The following PDZRN3 variants were observed in gnomAD, a reference collection of about 807,000 sequenced individuals.
The protein encoded by PDZRN3 is PDZ domain containing ring finger 3, also known as E3 ubiquitin-protein ligase PDZRN3.
In PDZRN3, 38 loss-of-function variants were observed where a neutral mutation model predicts 85.7. The observed-to-expected ratio is 0.44, with a 90% CI of 0.34 to 0.58. The LOEUF is 0.58. Among genes scored for constraint, PDZRN3 ranks in the 20% least tolerant of loss-of-function variants. The probability of loss-of-function intolerance (pLI) is 0.01; values close to 1 mark genes in which losing one functional copy is unlikely to be tolerated. For synonymous variants in PDZRN3, 759 were observed against 638.0 expected, an observed-to-expected ratio of 1.19 and a Z score of -2.86; for missense variants, 1,629 against 1,506.4, an observed-to-expected ratio of 1.08 and a Z score of -1.35.
chr3:73,421,732 C>T (rs1559670704), intron 3 of PDZRN3, among the ~76,000 whole-genome samples: 1 of 152,188 alleles, frequency 6.6e-6, no homozygotes, highest in Admixed American at 6.5e-5. Flanking sequence ...ACTGCAACCT[C>T]CGCCTCCCAG....
At chr3:73,555,508 A>G (rs953023704) in intron 3 of PDZRN3, among the ~76,000 whole-genome samples, 1 of 152,212 alleles carries the variant, frequency 6.6e-6, no homozygotes, top group African/African-American at 2.4e-5. Flanking sequence ...ACATTTTGTT[A>G]AAAGTATTAT....
At chr3:73,420,320 C>T (rs1010306828) in intron 3 of PDZRN3, among the ~76,000 whole-genome samples, 2 of 152,208 alleles carry the variant, frequency 1.3e-5, no homozygotes, top group Non-Finnish European at 2.9e-5. Flanking sequence ...GCATTTTCAT[C>T]TGTGTGATAA....
chr3:73,595,188 A>T (rs1347664700), intron 3 of PDZRN3, among the ~76,000 whole-genome samples: 1 of 152,222 alleles, frequency 6.6e-6, no homozygotes, highest in Non-Finnish European at 1.5e-5. Context: ...CTAATAACTG[A>T]TCTCTAAAAT....
intron 3 of PDZRN3, among the ~76,000 whole-genome samples, chr3:73,592,106 T>C (rs755955026): frequency 6.6e-6 from 1 of 152,130 alleles, no homozygotes; most frequent in Non-Finnish European, 1.5e-5. Flanking sequence ...ATATAAATCA[T>C]CCCCTATCCA....
chr3:73,619,130 T>C (rs1033132906), intron 1 of PDZRN3, among the ~76,000 whole-genome samples: 6 of 152,214 alleles, frequency 3.9e-5, no homozygotes, highest in Non-Finnish European at 8.8e-5. Context: ...CCCCTAAACC[T>C]GAAAACAATT....
chr3:73,419,261 G>A (rs1469985724), intron 3 of PDZRN3, among the ~76,000 whole-genome samples: 1 of 152,148 alleles, frequency 6.6e-6, no homozygotes, highest in Non-Finnish European at 1.5e-5. Context: ...CTTTGATTAT[G>A]TCAAATGTAA....
intron 3 of PDZRN3, among the ~76,000 whole-genome samples, chr3:73,585,223 T>C (rs1406209142): frequency 1.6e-4 from 25 of 152,180 alleles, no homozygotes; most frequent in Admixed American, 1.5e-3. Context: ...CAAATGATAT[T>C]AGAAAAACAG....
chr3:73,483,836 T>C (rs998729609), intron 3 of PDZRN3, among the ~76,000 whole-genome samples: 1 of 151,986 alleles, frequency 6.6e-6, no homozygotes, highest in African/African-American at 2.4e-5. Flanking sequence ...CAGTGGGAAG[T>C]GGTGTGTGTG....
chr3:73,622,044 C>T (rs1475311978), intron 1 of PDZRN3, among the ~76,000 whole-genome samples: 2 of 152,144 alleles, frequency 1.3e-5, no homozygotes, highest in African/African-American at 4.8e-5. Context: ...TCACTTAAAA[C>T]GACGAAGGAA....
At chr3:73,534,788 G>A (rs554802803) in intron 3 of PDZRN3, among the ~76,000 whole-genome samples, 1 of 152,182 alleles carries the variant, frequency 6.6e-6, no homozygotes, top group Non-Finnish European at 1.5e-5. Context: ...ACGGAACTGA[G>A]GCTCAGAAAA....
intron 3 of PDZRN3, among the ~76,000 whole-genome samples, chr3:73,455,484 G>T (rs1702959497): frequency 1.3e-5 from 2 of 152,158 alleles, no homozygotes; most frequent in African/African-American, 4.8e-5. Flanking sequence ...ATCAGATCTG[G>T]GAAGTCAAGG....
chr3:73,567,535 T>C (rs1462554756), intron 3 of PDZRN3, among the ~76,000 whole-genome samples: 4 of 152,120 alleles, frequency 2.6e-5, no homozygotes, highest in African/African-American at 4.8e-5. Context: ...AGAACAAGCA[T>C]TGGAATTCCT....
At chr3:73,528,859 T>C (rs1383172585) in intron 3 of PDZRN3, among the ~76,000 whole-genome samples, 1 of 151,128 alleles carries the variant, frequency 6.6e-6, no homozygotes, top group Non-Finnish European at 1.5e-5. Context: ...AGTGGACACA[T>C]TTAGTCCTAA....
intron 3 of PDZRN3, among the ~76,000 whole-genome samples, chr3:73,491,980 G>C (rs1703779444): frequency 6.6e-6 from 1 of 151,980 alleles, no homozygotes; most frequent in Admixed American, 6.6e-5. Flanking sequence ...TGAATTTAGG[G>C]ACCTCTGCCT....
At chr3:73,494,875 C>T (rs1703837573) in intron 3 of PDZRN3, among the ~76,000 whole-genome samples, 1 of 152,186 alleles carries the variant, frequency 6.6e-6, no homozygotes, top group Non-Finnish European at 1.5e-5. Flanking sequence ...TTTTCCAACA[C>T]CCAATCGAGA....
At chr3:73,404,876 A>C (rs75879632) in intron 3 of PDZRN3, among the ~76,000 whole-genome samples, 2,896 of 152,340 alleles carry the variant, frequency 0.019, 45 homozygotes, top group Non-Finnish European at 0.032. Flanking sequence ...AGTCCATTGA[A>C]AATATTAAGT....
chr3:73,427,486 G>A (rs1702340621), intron 3 of PDZRN3, among the ~76,000 whole-genome samples: 1 of 151,016 alleles, frequency 6.6e-6, no homozygotes, highest in Admixed American at 6.6e-5. Flanking sequence ...CATTATTAAT[G>A]AACACAAGAG....
chr3:73,492,361 C>T lies in PDZRN3; in HGVS notation c.919-87966G>A, dbSNP rs139471140. Among the ~76,000 whole-genome samples the T allele has an allele frequency of 4.7e-3, 720 of 152,236 alleles. 4 individuals carry two copies. The highest frequency in any genetic ancestry group is 0.014 in the Middle Eastern group (4 of 294). On this transcript the variant is annotated intron_variant, in intron 3 of 9. Transcript: ENST00000263666. ...AGGCTGGGCTGTGTGCCTGTGAGCT[C>T]GCTACGGTCCCTGGTCTCATTCCCT...
At position 73,389,832 on chromosome 3, in the gene PDZRN3, CCTT is replaced by C. The variant is rs746286676; in HGVS notation, c.1397_1399del (p.Glu466del). ...TGGACTTACCTGGATAATGCGGTCT[CCTT>C]CTCGGATGCGCCCATCCTTGGCTGC... On this transcript the variant is annotated inframe_deletion, in exon 7 of 10. Transcript: ENST00000263666. 6.2e-7 allele frequency: 1 copy of C among 1,613,456 alleles called. No individual in the cohort carries two copies. The highest frequency in any genetic ancestry group is 8.5e-7 in the Non-Finnish European group (1 of 1,179,384).
Sources: gnomAD v4.1 joint callset for allele counts (sites outside exome capture counted in the v4.1 genomes callset) on GRCh38, gnomAD v4.1.1 for gene constraint, MANE v1.5 for transcripts, NCBI Gene and HGNC (gene_info 2026-07-23, HGNC 2026-07-21) for gene names.